Variants in GTF2F2 observed in about 807,000 individuals in gnomAD.
GTF2F2 encodes the protein general transcription factor IIF subunit 2, also known as ATP-dependent helicase GTF2F2.
Under a neutral mutation model 42.2 loss-of-function variants are expected in GTF2F2, and 23 were observed. The observed-to-expected ratio is 0.55, with a 90% CI of 0.39 to 0.77. The LOEUF (loss-of-function observed/expected upper bound fraction) is 0.77, where lower values mean the gene tolerates loss of function less well. Among genes scored for constraint, GTF2F2 ranks in the 30% least tolerant of loss-of-function variants. The pLI is 0.00. For missense variants in GTF2F2, 261 were observed against 287.2 expected (o/e 0.91, Z 0.66); for synonymous variants, 105 against 100.8 (o/e 1.04, Z -0.25).
intron 5 of GTF2F2, among the ~76,000 whole-genome samples, chr13:45,218,023 T>C (rs1043063120): frequency 2.6e-5 from 4 of 152,218 alleles, no homozygotes; most frequent in Non-Finnish European, 5.9e-5. Context: ...AGATTACCTG[T>C]TCAAGTAATT....
chr13:45,194,230 T>G, intron 4 of GTF2F2: 3 of 1,614,178 alleles, frequency 1.9e-6, no homozygotes, highest in Non-Finnish European at 2.5e-6. Flanking sequence ...GAATTCTGCT[T>G]CTTGTGCAAG....
chr13:45,177,591 T>G (rs965713096), intron 4 of GTF2F2, among the ~76,000 whole-genome samples: 2 of 152,238 alleles, frequency 1.3e-5, no homozygotes, highest in South Asian at 2.1e-4. Flanking sequence ...TTAATATCAC[T>G]GTGTATGTGT....
chr13:45,120,667 C>G lies in GTF2F2; in HGVS notation c.12C>G (p.Arg4=). Residue 4 remains arginine, a synonymous_variant, in exon 1 of 8, where the codon CGC becomes CGG. Coordinates refer to ENST00000340473, the MANE Select transcript of GTF2F2 (RefSeq NM_004128.3). ...CCGGCTGCAGACCCATGGCCGAGCGCGGGGAACTCGACTTGACCGGCGCCA... is the reference window on the plus strand; with the variant it reads ...CCGGCTGCAGACCCATGGCCGAGCGGGGGGAACTCGACTTGACCGGCGCCA... MAE[R]GELDLTGAKQ... The G allele has an allele frequency of 1.3e-6, 2 of 1,559,592 alleles. No individual in the cohort carries two copies. Among genetic ancestry groups the G allele is most frequent in the Non-Finnish European group, 1.7e-6 (2 of 1,150,938 alleles).
intron 5 of GTF2F2, among the ~76,000 whole-genome samples, chr13:45,245,227 T>C (rs1875525217): frequency 6.6e-6 from 1 of 152,184 alleles, no homozygotes; most frequent in African/African-American, 2.4e-5. Context: ...TACAGAGATG[T>C]AGTCTGTCTA....
chr13:45,196,262 A>G (rs1593484880), intron 4 of GTF2F2, among the ~76,000 whole-genome samples: 1 of 152,242 alleles, frequency 6.6e-6, no homozygotes, highest in Non-Finnish European at 1.5e-5. Context: ...TCATTTCACC[A>G]AAGATAACAT....
At position 45,281,490 on chromosome 13, in the gene GTF2F2, G is replaced by A. The variant is rs767425617; in HGVS notation, c.631-1952G>A. Among the ~76,000 whole-genome samples, 92 of 152,214 alleles carry A rather than the reference G, an allele frequency of 6.0e-4. 2 individuals carry two copies. The highest frequency in any genetic ancestry group is 7.2e-4 in the Admixed American group (11 of 15,286). The stretch of plus-strand genomic sequence containing the variant: ...CTCAGAGAACGAAGCAACACACTAA[G>A]GACTCAAAGATCCTAGAGTATCAGA... On this transcript the variant is annotated intron_variant, in intron 7 of 7. Coordinates refer to ENST00000340473, the MANE Select transcript of GTF2F2 (RefSeq NM_004128.3).
intron 5 of GTF2F2, among the ~76,000 whole-genome samples, chr13:45,250,356 C>G (rs1231498295): frequency 6.6e-6 from 1 of 151,930 alleles, no homozygotes; most frequent in Non-Finnish European, 1.5e-5. Context: ...TGCCTTATTT[C>G]TTATAAGCAT....
At chr13:45,275,378 G>T (rs1257298209) in intron 7 of GTF2F2, among the ~76,000 whole-genome samples, 1 of 151,920 alleles carries the variant, frequency 6.6e-6, no homozygotes, top group African/African-American at 2.4e-5. Flanking sequence ...ATGTTTACAT[G>T]TGCCATGTTG....
rs1202656857 is a variant in GTF2F2, at chr13:45,225,117, G to A, written c.386+17612G>A. 3.3e-5 allele frequency among the ~76,000 whole-genome samples: 5 copies of A among 152,274 alleles called. No homozygotes were observed. In the East Asian group the frequency reaches 9.6e-4, roughly 29 times the overall value. ...AGGTCTGAGTTGGGACTAGAAATATGCATTGCTAATAGGCACCCTGACAAT... is the reference window on the plus strand; with the variant it reads ...AGGTCTGAGTTGGGACTAGAAATATACATTGCTAATAGGCACCCTGACAAT... On this transcript the variant is annotated intron_variant, in intron 5 of 7. Transcript: ENST00000340473.
chr13:45,216,388 T>G (rs1367343232), intron 5 of GTF2F2, among the ~76,000 whole-genome samples: 1 of 152,204 alleles, frequency 6.6e-6, no homozygotes, highest in Non-Finnish European at 1.5e-5. Context: ...TTGTTTTCTT[T>G]GGAATTCCCC....
chr13:45,151,911 CTT>C (rs773005628), intron 4 of GTF2F2, 80 bp downstream of exon 4: 5,333 of 141,316 alleles, frequency 0.038, no homozygotes, highest in South Asian at 0.07. Flanking sequence ...CTCCTATTTG[CTT>C]TTTTTTTTTT....
At chr13:45,283,394 C>T (rs973988224) in intron 7 of GTF2F2, 48 bp from the exon 8 acceptor site, 9 of 1,545,886 alleles carry the variant, frequency 5.8e-6, no homozygotes, top group Non-Finnish European at 7.0e-6. Context: ...TAAGTTTTGT[C>T]CCCTGCATTT....
At chr13:45,181,391 GAGTC>G (rs1221824864) in intron 4 of GTF2F2, among the ~76,000 whole-genome samples, 1 of 152,018 alleles carries the variant, frequency 6.6e-6, no homozygotes, top group African/African-American at 2.4e-5. Context: ...GTAAAATAAT[GAGTC>G]AGAGTAAAAG....
At chr13:45,217,941 A>G (rs960724575) in intron 5 of GTF2F2, among the ~76,000 whole-genome samples, 1 of 152,222 alleles carries the variant, frequency 6.6e-6, no homozygotes, top group African/African-American at 2.4e-5. Flanking sequence ...TATTTTAAGA[A>G]TGAATGGGCA....
At chr13:45,141,695 G>T (rs1869935137) in intron 2 of GTF2F2, among the ~76,000 whole-genome samples, 1 of 151,654 alleles carries the variant, frequency 6.6e-6, no homozygotes, top group African/African-American at 2.4e-5. Context: ...CTACTTTCTT[G>T]TTTTTTTTCC....
chr13:45,165,962 C>T (rs149190311), intron 4 of GTF2F2, among the ~76,000 whole-genome samples: 1,797 of 151,550 alleles, frequency 0.012, 31 homozygotes, highest in African/African-American at 0.037. Context: ...TACAGGCGCC[C>T]GCCCCTACGC....
At chr13:45,187,792 T>C (rs2138164488) in intron 4 of GTF2F2, among the ~76,000 whole-genome samples, 1 of 152,388 alleles carries the variant, frequency 6.6e-6, no homozygotes, top group Middle Eastern at 3.4e-3. Context: ...AGGATAATTA[T>C]GATTCAGATG....
chr13:45,244,101 C>T (rs1875464671), intron 5 of GTF2F2, among the ~76,000 whole-genome samples: 1 of 152,136 alleles, frequency 6.6e-6, no homozygotes, highest in African/African-American at 2.4e-5. Context: ...GACTTAGTGA[C>T]ACTGAGTTAC....
At chr13:45,250,693 G>C (rs918927979) in intron 5 of GTF2F2, among the ~76,000 whole-genome samples, 3 of 152,166 alleles carry the variant, frequency 2.0e-5, no homozygotes, top group African/African-American at 7.2e-5. Flanking sequence ...GAACTGGAGA[G>C]ATACGCAGGG....
Sources: gnomAD v4.1 joint callset for allele counts (sites outside exome capture counted in the v4.1 genomes callset) on GRCh38, gnomAD v4.1.1 for gene constraint, MANE v1.5 for transcripts, NCBI Gene and HGNC (gene_info 2026-07-23, HGNC 2026-07-21) for gene names.